The following MYO10 variants were observed in gnomAD, a reference collection of about 807,000 sequenced individuals.
MYO10 encodes myosin X, also known as unconventional myosin-X.
Under a neutral mutation model 257.3 loss-of-function variants are expected in MYO10, and 133 were observed. That is an observed-to-expected ratio of 0.52 (90% CI 0.45 to 0.60). The LOEUF is 0.60. Ranked by LOEUF, MYO10 falls within the 20% of genes least tolerant of loss-of-function variation. The pLI is 0.00. For synonymous variants in MYO10, 1,104 were observed against 1,028.6 expected, an observed-to-expected ratio of 1.07 and a Z score of -1.40; for missense variants, 2,399 against 2,635.7, an observed-to-expected ratio of 0.91 and a Z score of 1.97.
chr5:16,691,541 A>T (rs189320317), intron 27 of MYO10, among the ~76,000 whole-genome samples: 36 of 152,062 alleles, frequency 2.4e-4, no homozygotes, highest in African/African-American at 8.7e-4. Flanking sequence ...TCTACTAAAA[A>T]TACAAAAATT....
chr5:16,762,902 T>C (rs1740760189), intron 14 of MYO10, among the ~76,000 whole-genome samples: 1 of 150,614 alleles, frequency 6.6e-6, no homozygotes, highest in Admixed American at 6.7e-5. Flanking sequence ...AGACGGAGGT[T>C]GCAGTGAGCC....
At chr5:16,857,628 G>A (rs1313634141) in intron 2 of MYO10, among the ~76,000 whole-genome samples, 1 of 152,208 alleles carries the variant, frequency 6.6e-6, no homozygotes, top group East Asian at 1.9e-4. Flanking sequence ...AGGTCTTCCA[G>A]GAGGTCCTCA....
intron 1 of MYO10, among the ~76,000 whole-genome samples, chr5:16,892,409 G>A (rs1745085197): frequency 6.6e-6 from 1 of 152,096 alleles, no homozygotes; most frequent in African/African-American, 2.4e-5. Flanking sequence ...GGGAGGCTAA[G>A]GAAGGCAGGT....
intron 1 of MYO10, among the ~76,000 whole-genome samples, chr5:16,919,131 C>CT (rs1745908487): frequency 6.6e-6 from 1 of 152,146 alleles, no homozygotes; most frequent in African/African-American, 2.4e-5. Flanking sequence ...AATCCCAGCA[C>CT]TTTGAGAGGC....
intron 1 of MYO10, among the ~76,000 whole-genome samples, chr5:16,915,139 G>T (rs1182169810): frequency 6.6e-6 from 1 of 152,114 alleles, no homozygotes; most frequent in Non-Finnish European, 1.5e-5. Context: ...AAATAATATT[G>T]ATCACACAAA....
At chr5:16,754,213 T>C (rs1740463235) in intron 19 of MYO10, among the ~76,000 whole-genome samples, 1 of 152,198 alleles carries the variant, frequency 6.6e-6, no homozygotes, top group African/African-American at 2.4e-5. Flanking sequence ...ACTGCATATA[T>C]CTAACACTAT....
At chr5:16,778,973 A>T (rs985107783) in intron 9 of MYO10, among the ~76,000 whole-genome samples, 2 of 152,080 alleles carry the variant, frequency 1.3e-5, no homozygotes, top group African/African-American at 4.8e-5. Context: ...TATAGGCATG[A>T]GCCACCGCGC....
rs1738036085 is a variant in MYO10 at position 16,701,152 on chromosome 5, G to A, written c.3243C>T (p.Asp1081=). 1.2e-6 allele frequency: 2 copies of A among 1,602,968 alleles called. No individual in the cohort carries two copies. The highest frequency in any genetic ancestry group is 1.3e-5 in the African/African-American group (1 of 74,784). Residue 1081 remains aspartate, a synonymous_variant, in exon 25 of 41, where the codon GAC becomes GAT. Transcript: ENST00000513610. The surrounding 1 kb of genome is among the most constrained non-coding windows in gnomAD (Gnocchi z 8.1). ...CGTAGTCGCCGTCTGGGGAGGGCAA[G>A]TCCCCAGCGTTCTGGGGCATGCAGT... is the stretch of plus-strand genomic sequence containing the variant. ...STYCMPQNAG[D]LPSPDGDYDY... is the part of the protein sequence containing the mutation.
In MYO10 at chr5:16,794,807, G is replaced by A. The variant is rs396514; in HGVS notation, c.306C>T (p.Ser102=). 648,333 of 1,574,184 alleles carry A rather than the reference G, an allele frequency of 0.41. 140,276 individuals are homozygous for A. Among genetic ancestry groups the A allele is most frequent in the Non-Finnish European group, 0.44 (514,438 of 1,158,822 alleles). Residue 102 remains serine, a synonymous_variant, in exon 4 of 41, where the codon TCC becomes TCT. Transcript: ENST00000513610. ...IYTYIGSILA[S]VNPYQPIAGL... Reference sequence around the variant, plus strand: ...CGGCGATGGGCTGGTAGGGGTTCACGGAGGCCAGGATGGAGCCGATGTAGG... The same window carrying A: ...CGGCGATGGGCTGGTAGGGGTTCACAGAGGCCAGGATGGAGCCGATGTAGG...
intron 1 of MYO10, among the ~76,000 whole-genome samples, chr5:16,885,952 A>T (rs1167087909): frequency 6.6e-6 from 1 of 152,148 alleles, no homozygotes; most frequent in Non-Finnish European, 1.5e-5. Context: ...GGTGGCCTTC[A>T]TAGGTCCTTG....
intron 1 of MYO10, among the ~76,000 whole-genome samples, chr5:16,884,948 C>G (rs1396021325): frequency 6.6e-6 from 1 of 152,108 alleles, no homozygotes; most frequent in Non-Finnish European, 1.5e-5. Context: ...CTGTCAGTGA[C>G]CTAGTTAATT....
chr5:16,862,490 G>T (rs1744134737), intron 2 of MYO10, among the ~76,000 whole-genome samples: 1 of 151,982 alleles, frequency 6.6e-6, no homozygotes, highest in African/African-American at 2.4e-5. Context: ...TGATTCCCAG[G>T]GATAATTTCT....
intron 4 of MYO10, among the ~76,000 whole-genome samples, chr5:16,784,677 G>A (rs902078428): frequency 3.3e-5 from 5 of 152,212 alleles, no homozygotes; most frequent in Admixed American, 6.5e-5. Context: ...GCTGACAACC[G>A]CTGAATGGTG....
At chr5:16,904,675 A>T (rs1745472323) in intron 1 of MYO10, among the ~76,000 whole-genome samples, 2 of 152,094 alleles carry the variant, frequency 1.3e-5, no homozygotes, top group South Asian at 4.2e-4. Context: ...CACGCCTGTA[A>T]TCCCAGCACT....
At chr5:16,672,495 G>A (rs1440107283) in intron 37 of MYO10, among the ~76,000 whole-genome samples, 194 bp downstream of exon 37, 2 of 152,156 alleles carry the variant, frequency 1.3e-5, no homozygotes, top group Non-Finnish European at 2.9e-5. Context: ...GTTACATCAC[G>A]TAAGACCGTA....
chr5:16,724,957 A>G (rs534649030), intron 19 of MYO10, among the ~76,000 whole-genome samples: 17 of 152,254 alleles, frequency 1.1e-4, no homozygotes, highest in African/African-American at 4.1e-4. Context: ...TGTGCAGATA[A>G]ATACACGCAC....
intron 2 of MYO10, among the ~76,000 whole-genome samples, chr5:16,840,141 G>C (rs1354874261): frequency 3.3e-5 from 5 of 152,190 alleles, no homozygotes; most frequent in Non-Finnish European, 7.3e-5. Flanking sequence ...GGCCGGGCAT[G>C]GTGGCTCACG....
chr5:16,698,298 C>T (rs564735152), intron 26 of MYO10, among the ~76,000 whole-genome samples: 1 of 152,230 alleles, frequency 6.6e-6, no homozygotes, highest in South Asian at 2.1e-4. Context: ...GAGTTCAAGG[C>T]TGCAGTGAGC....
chr5:16,928,141 C>A (rs1210200553), intron 1 of MYO10, among the ~76,000 whole-genome samples: 1 of 152,148 alleles, frequency 6.6e-6, no homozygotes, highest in Non-Finnish European at 1.5e-5. Context: ...CCCACATTTT[C>A]TTTTAATAAA....
Sources: allele counts gnomAD v4.1 joint callset (sites outside exome capture counted in the v4.1 genomes callset), GRCh38; gene constraint gnomAD v4.1.1; non-coding constraint Gnocchi (gnomAD v3.1); transcripts MANE v1.5; gene names NCBI Gene and HGNC (gene_info 2026-07-23, HGNC 2026-07-21).